ZNF566: variants seen among roughly 807,000 people sequenced by gnomAD.
The protein encoded by ZNF566 is zinc finger protein 566.
Under a neutral mutation model 32.8 loss-of-function variants are expected in ZNF566, and 27 were observed. The ratio of observed to expected loss-of-function variants is 0.82; its 90% CI spans 0.61 to 1.14. The LOEUF (loss-of-function observed/expected upper bound fraction) is 1.14, where lower values mean the gene tolerates loss of function less well. ZNF566 is among the 50% of genes most tolerant of loss of function. The pLI, the probability that ZNF566 is intolerant of heterozygous loss-of-function variation, is 0.00. For missense variants in ZNF566, 402 were observed against 490.4 expected (o/e 0.82, Z 1.70); for synonymous variants, 154 against 159.5 (o/e 0.97, Z 0.26).
At chr19:36,469,734 G>A (rs2033717032) in intron 4 of ZNF566, among the ~76,000 whole-genome samples, 2 of 152,148 alleles carry the variant, frequency 1.3e-5, no homozygotes, top group Admixed American at 1.3e-4. Flanking sequence ...CACTGTGAGT[G>A]TCTGAAAGCT....
intron 1 of ZNF566, among the ~76,000 whole-genome samples, chr19:36,483,464 C>T (rs1298352730): frequency 6.6e-6 from 1 of 151,936 alleles, no homozygotes; most frequent in Admixed American, 6.6e-5. Flanking sequence ...AGGGAAAATA[C>T]AAGATGAACC....
intron 4 of ZNF566, among the ~76,000 whole-genome samples, chr19:36,456,051 A>T (rs972453621): frequency 1.3e-5 from 2 of 152,068 alleles, no homozygotes; most frequent in Admixed American, 1.3e-4. Flanking sequence ...AAAAGAAAAA[A>T]AAAAGTAATA....
Position 36,449,299 on chromosome 19 carries a change from T to TC in ZNF566, c.934dup (p.Glu312GlyfsTer3), listed in dbSNP as rs1383079011. On this transcript the variant is annotated frameshift_variant, in exon 5 of 5. Coordinates refer to ENST00000452939, the MANE Select transcript of ZNF566 (RefSeq NM_001145344.1). LOFTEE classifies it high-confidence loss of function. ...AAAGGCATTGCCACATTCCTTACAT[T>TC]CATAGGGTTTTTCCCCAGTATGAAT... is the stretch of plus-strand genomic sequence containing the variant. 4 of 1,614,162 alleles carry TC rather than the reference T, an allele frequency of 2.5e-6. No homozygotes were observed. In the Admixed American group the frequency reaches 6.7e-5, roughly 27 times the overall value.
At chr19:36,457,969 T>C (rs2033360470) in intron 4 of ZNF566, among the ~76,000 whole-genome samples, 1 of 151,944 alleles carries the variant, frequency 6.6e-6, no homozygotes, top group South Asian at 2.1e-4. Context: ...AAATAACAAG[T>C]GTTGGAAAGG....
At chr19:36,456,933 C>T (rs1011900927) in intron 4 of ZNF566, among the ~76,000 whole-genome samples, 3 of 152,078 alleles carry the variant, frequency 2.0e-5, no homozygotes, top group African/African-American at 7.2e-5. Flanking sequence ...CCTGAAGAGT[C>T]AAGGTAATCT....
chr19:36,463,368 A>G (rs2033527178), intron 4 of ZNF566, among the ~76,000 whole-genome samples: 5 of 152,204 alleles, frequency 3.3e-5, no homozygotes, highest in Admixed American at 2.6e-4. Flanking sequence ...GAAATAAAAT[A>G]TCAAATGAAC....
intron 1 of ZNF566, among the ~76,000 whole-genome samples, chr19:36,480,941 G>C (rs1315776950): frequency 6.6e-6 from 1 of 151,996 alleles, no homozygotes; most frequent in Admixed American, 6.6e-5. Flanking sequence ...TACTCAGGAG[G>C]CTGAGGCAGG....
Position 36,455,599 on chromosome 19 carries a change from G to A in ZNF566, c.233-5598C>T, listed in dbSNP as rs541016758. Among the ~76,000 whole-genome samples, 177 of 151,976 alleles carry A rather than the reference G, an allele frequency of 1.2e-3. 1 individual carries two copies. The highest frequency in any genetic ancestry group is 1.9e-3 in the Non-Finnish European group (131 of 67,974). On this transcript the variant is annotated intron_variant, in intron 4 of 4. Transcript: ENST00000452939. ...TCTACTAAAAATACAAAAATTAGCC[G>A]GGCAATGGTGGGCACCTGTAATCCC... is the stretch of plus-strand genomic sequence containing the variant.
Position 36,447,334 on chromosome 19 carries a change from T to C in ZNF566, c.*1643A>G, listed in dbSNP as rs1184735239. ...GTGTACTTCTATATAACTGAAATAG[T>C]TCCTTGAACATTTGATAAAGTTTTC... On this transcript the variant is annotated 3_prime_UTR_variant, in exon 5 of 5. Coordinates refer to ENST00000452939, the MANE Select transcript of ZNF566 (RefSeq NM_001145344.1). 1.3e-5 allele frequency: 2 copies of C among 152,134 alleles called. No homozygotes were observed. The highest frequency in any genetic ancestry group is 4.8e-5 in the African/African-American group (2 of 41,438). 9.4% of individuals were successfully genotyped at this position (152,134 alleles called of 1,614,324 possible).
At chr19:36,461,765 A>C (rs1458976250) in intron 4 of ZNF566, among the ~76,000 whole-genome samples, 1 of 152,202 alleles carries the variant, frequency 6.6e-6, no homozygotes, top group African/African-American at 2.4e-5. Flanking sequence ...TGTTGGGTAC[A>C]GGCTGCAAGT....
chr19:36,465,719 C>T (rs551995596), intron 4 of ZNF566, among the ~76,000 whole-genome samples: 1 of 151,906 alleles, frequency 6.6e-6, no homozygotes, highest in East Asian at 1.9e-4. Context: ...GTGATCCACC[C>T]ACCTCGGCCT....
intron 1 of ZNF566, among the ~76,000 whole-genome samples, chr19:36,480,138 A>C (rs1243693530): frequency 6.6e-6 from 1 of 152,192 alleles, no homozygotes; most frequent in African/African-American, 2.4e-5. Context: ...AAAGAAAAAA[A>C]GTAGGAGGAC....
In ZNF566 at chr19:36,449,670, T is replaced by C. The variant is rs769597651; in HGVS notation, c.564A>G (p.Thr188=). The change falls in exon 5 of 5, where the codon ACA becomes ACG. Residue 188 remains threonine, a synonymous_variant. Transcript: ENST00000452939. ...KTFRHGSQFA[T]HEIIHTIEKP... ...TCTCAATGGTATGAATTATCTCATGTGTAGCAAACTGTGAGCCATGTCTAA... is the reference window on the plus strand; with the variant it reads ...TCTCAATGGTATGAATTATCTCATGCGTAGCAAACTGTGAGCCATGTCTAA... 2.5e-6 allele frequency: 4 copies of C among 1,614,148 alleles called. No individual in the cohort carries two copies. In the South Asian group the frequency reaches 3.3e-5, roughly 13 times the overall value.
intron 1 of ZNF566, among the ~76,000 whole-genome samples, chr19:36,480,444 C>T (rs552964007): frequency 1.3e-5 from 2 of 151,540 alleles, no homozygotes; most frequent in South Asian, 2.1e-4. Flanking sequence ...GCCACCACAC[C>T]CGGCTAATTT....
chr19:36,457,085 C>A (rs2033334694), intron 4 of ZNF566, among the ~76,000 whole-genome samples: 1 of 152,068 alleles, frequency 6.6e-6, no homozygotes, highest in African/African-American at 2.4e-5. Context: ...GAACCAAGAA[C>A]CCATACAGAA....
chr19:36,472,940 T>C lies in ZNF566; in HGVS notation c.203A>G (p.Asp68Gly). 1 of 1,614,062 alleles carries C rather than the reference T, an allele frequency of 6.2e-7. No individual in the cohort carries two copies. Among genetic ancestry groups the C allele is most frequent in the Non-Finnish European group, 8.5e-7 (1 of 1,179,974 alleles). Residue 68 changes from aspartate (D) to glycine (G), a missense_variant, in exon 4 of 5, where the codon GAC (aspartate) becomes GGC (glycine). Coordinates refer to ENST00000452939, the MANE Select transcript of ZNF566 (RefSeq NM_001145344.1). ...CCACTGGCCTCTTGTTAGCTCTCTG[T>C]CAGCCAACCAGGGCTCCTTCCCTTG... ...LEQGKEPWLA[D>G]RELTRGQWPV...
intron 1 of ZNF566, among the ~76,000 whole-genome samples, chr19:36,482,618 G>C (rs2034064668): frequency 1.3e-5 from 2 of 152,240 alleles, no homozygotes; most frequent in Middle Eastern, 3.4e-3. Context: ...GCTACACAGA[G>C]ATTCTCTACT....
At chr19:36,481,583 AG>A (rs2034034797) in intron 1 of ZNF566, among the ~76,000 whole-genome samples, 1 of 152,092 alleles carries the variant, frequency 6.6e-6, no homozygotes, top group Admixed American at 6.6e-5. Context: ...TGGGCTGTGA[AG>A]GGAAACAGAC....
At chr19:36,480,809 G>A (rs570276198) in intron 1 of ZNF566, among the ~76,000 whole-genome samples, 3 of 151,626 alleles carry the variant, frequency 2.0e-5, no homozygotes, top group South Asian at 2.1e-4. Flanking sequence ...GCCCACCAAG[G>A]CAGGCGGAAC....
Sources: gnomAD v4.1 joint callset for allele counts (sites outside exome capture counted in the v4.1 genomes callset) on GRCh38, gnomAD v4.1.1 for gene constraint, MANE v1.5 for transcripts, NCBI Gene and HGNC (gene_info 2026-07-23, HGNC 2026-07-21) for gene names.